Variants in ADRA1B observed in about 807,000 individuals in gnomAD.
ADRA1B encodes alpha-1B adrenergic receptor.
Under a neutral mutation model 17.9 loss-of-function variants are expected in ADRA1B, and 17 were observed. That is an observed-to-expected ratio of 0.95 (90% CI 0.65 to 1.42). The LOEUF is 1.42. Among genes scored for constraint, ADRA1B ranks in the 40% most tolerant of loss-of-function variants. The pLI is 0.00. For missense variants in ADRA1B, 681 were observed against 722.1 expected, an observed-to-expected ratio of 0.94 and a Z score of 0.65; for synonymous variants, 366 against 327.6, an observed-to-expected ratio of 1.12 and a Z score of -1.27.
intron 1 of ADRA1B, among the ~76,000 whole-genome samples, chr5:159,927,446 A>G (rs1262370194): frequency 6.6e-6 from 1 of 151,376 alleles, no homozygotes; most frequent in Non-Finnish European, 1.5e-5. Flanking sequence ...AAATGTAAGG[A>G]AGGCCAACAA....
chr5:159,888,980 C>T (rs1474203791), intron 1 of ADRA1B, among the ~76,000 whole-genome samples: 2 of 152,206 alleles, frequency 1.3e-5, no homozygotes, highest in African/African-American at 4.8e-5. Flanking sequence ...ACATGGACGG[C>T]TCATCCAAGC....
chr5:159,914,710 A>G (rs1284427626), upstream of ADRA1B, among the ~76,000 whole-genome samples: 4 of 152,190 alleles, frequency 2.6e-5, no homozygotes, highest in Non-Finnish European at 5.9e-5. Flanking sequence ...ATAAAAATAA[A>G]AAGAGGTTAA....
chr5:159,939,583 G>T (rs1001447930), intron 1 of ADRA1B, among the ~76,000 whole-genome samples: 1 of 152,214 alleles, frequency 6.6e-6, no homozygotes, highest in Non-Finnish European at 1.5e-5. Context: ...TCCCTCACTA[G>T]CTGTGCAACC....
upstream of ADRA1B, among the ~76,000 whole-genome samples, chr5:159,912,679 C>T (rs1754240716): frequency 6.6e-6 from 1 of 152,276 alleles, no homozygotes; most frequent in Admixed American, 6.5e-5. Context: ...ACCAATGCTA[C>T]TTACTCACTG....
intron 1 of ADRA1B, among the ~76,000 whole-genome samples, chr5:159,934,067 A>G (rs6874927): frequency 0.026 from 3,974 of 152,322 alleles, 175 homozygotes; most frequent in African/African-American, 0.089. Context: ...TGAAAACTCA[A>G]TTGAGCACCA....
At chr5:159,951,126 C>A in intron 1 of ADRA1B, 1 of 745,152 alleles carries the variant, frequency 1.3e-6, no homozygotes, top group Non-Finnish European at 2.5e-6. Context: ...GGGGCATCAG[C>A]AGAGGGGGCA....
At chr5:159,876,293 T>A (rs904967914) in intron 1 of ADRA1B, among the ~76,000 whole-genome samples, 49 of 152,250 alleles carry the variant, frequency 3.2e-4, no homozygotes, top group African/African-American at 1.0e-3. Context: ...AGGCTCTGCA[T>A]CGGCTTCTGT....
intron 1 of ADRA1B, among the ~76,000 whole-genome samples, chr5:159,892,020 C>T (rs1753988283): frequency 6.6e-6 from 1 of 152,178 alleles, no homozygotes; most frequent in Non-Finnish European, 1.5e-5. Flanking sequence ...GGGCAGATCA[C>T]GAGGTCAGGA....
intron 1 of ADRA1B, among the ~76,000 whole-genome samples, chr5:159,897,442 C>T (rs747250705): frequency 2.6e-5 from 4 of 151,454 alleles, no homozygotes; most frequent in Admixed American, 6.6e-5. Flanking sequence ...GCAGAGATCA[C>T]GCCACTGCAC....
intron 1 of ADRA1B, among the ~76,000 whole-genome samples, chr5:159,874,861 C>T (rs773511553): frequency 9.9e-5 from 15 of 152,172 alleles, no homozygotes; most frequent in Middle Eastern, 3.2e-3. Context: ...TATTCATGTA[C>T]CCAAATGCAG....
At chr5:159,883,020 C>A (rs1753879876) in intron 1 of ADRA1B, among the ~76,000 whole-genome samples, 1 of 152,202 alleles carries the variant, frequency 6.6e-6, no homozygotes, top group African/African-American at 2.4e-5. Flanking sequence ...ATGACCACCT[C>A]TTTACTGGCC....
intron 1 of ADRA1B, chr5:159,888,381 C>T (rs1753948207): frequency 6.6e-6 from 1 of 151,962 alleles, no homozygotes; most frequent in Admixed American, 6.6e-5. Flanking sequence ...ACGAGTTCCC[C>T]AGATGAAAAG....
At chr5:159,962,519 G>T (rs1755684277) in intron 1 of ADRA1B, among the ~76,000 whole-genome samples, 1 of 152,054 alleles carries the variant, frequency 6.6e-6, no homozygotes, top group Non-Finnish European at 1.5e-5. Flanking sequence ...CACTGGTGCT[G>T]CCGTCTACCC....
At chr5:159,884,118 A>G (rs1753897148) in intron 1 of ADRA1B, among the ~76,000 whole-genome samples, 1 of 152,206 alleles carries the variant, frequency 6.6e-6, no homozygotes. Context: ...AAAAGAAAAA[A>G]ATCAAATCAA....
At chr5:159,928,767 G>C (rs999972445) in intron 1 of ADRA1B, among the ~76,000 whole-genome samples, 1 of 152,142 alleles carries the variant, frequency 6.6e-6, no homozygotes, top group African/African-American at 2.4e-5. Context: ...AGGGCAAGCC[G>C]GGCTCACTGT....
intron 1 of ADRA1B, among the ~76,000 whole-genome samples, chr5:159,904,197 T>G (rs1754133472): frequency 6.6e-6 from 1 of 152,226 alleles, no homozygotes; most frequent in African/African-American, 2.4e-5. Context: ...TTTAAGACTA[T>G]GGGTCTGGAC....
chr5:159,948,754 C>T (rs985217394), intron 1 of ADRA1B, among the ~76,000 whole-genome samples: 1 of 152,144 alleles, frequency 6.6e-6, no homozygotes, highest in Non-Finnish European at 1.5e-5. Flanking sequence ...AAGCCAGTCA[C>T]TTATGTTGAA....
intron 1 of ADRA1B, among the ~76,000 whole-genome samples, chr5:159,884,974 C>T (rs1253579539): frequency 1.3e-5 from 2 of 152,180 alleles, no homozygotes; most frequent in Non-Finnish European, 2.9e-5. Flanking sequence ...TTCTTAGTAG[C>T]TCAGCACACC....
chr5:159,945,190 C>T lies in ADRA1B; in HGVS notation c.950-26689C>T, dbSNP rs189183432. ...AGGAATTTGAGAGCAGTCTGGCCAACGTGGTGAAACCCTGTCTCCACCAAA... is the reference window on the plus strand; with the variant it reads ...AGGAATTTGAGAGCAGTCTGGCCAATGTGGTGAAACCCTGTCTCCACCAAA... On this transcript the variant is annotated intron_variant, in intron 1 of 1. Coordinates refer to ENST00000306675, the MANE Select transcript of ADRA1B (RefSeq NM_000679.4). Among the ~76,000 whole-genome samples the T allele has an allele frequency of 5.8e-3, 882 of 152,204 alleles. 39 individuals carry two copies. Among genetic ancestry groups the T allele is most frequent in the Admixed American group, 0.05 (757 of 15,292 alleles).
Sources: allele counts gnomAD v4.1 joint callset (sites outside exome capture counted in the v4.1 genomes callset), GRCh38; gene constraint gnomAD v4.1.1; transcripts MANE v1.5; gene names NCBI Gene and HGNC (gene_info 2026-07-23, HGNC 2026-07-21).